Variants in CLCA2 observed in about 807,000 individuals in gnomAD.
The protein encoded by CLCA2 is chloride channel accessory 2, also known as calcium-activated chloride channel regulator 2.
CLCA2 carries 85 observed loss-of-function variants against 82.9 expected under a neutral mutation model. That is an observed-to-expected ratio of 1.03 (90% CI 0.86 to 1.23). The LOEUF (loss-of-function observed/expected upper bound fraction) is 1.23, where lower values mean the gene tolerates loss of function less well. Ranked by LOEUF, CLCA2 falls within the 50% of genes most tolerant of loss-of-function variation. The pLI, the probability that CLCA2 is intolerant of heterozygous loss-of-function variation, is 0.00. For synonymous variants in CLCA2, 421 were observed against 391.7 expected (o/e 1.07, Z -0.88); for missense variants, 1,089 against 1,124.8 (o/e 0.97, Z 0.45).
rs1391727007 is a variant in CLCA2, at chr1:86,444,021, G to A, written c.1713+10G>A. 7 of 1,553,824 alleles carry A rather than the reference G, an allele frequency of 4.5e-6. No individual in the cohort carries two copies. Among genetic ancestry groups the A allele is most frequent in the Non-Finnish European group, 6.2e-6 (7 of 1,125,766 alleles). ...TCCAGGAACAGCTAAGGTAGGTGTT[G>A]TGAGTTTGTTCCTAAGGACAACGTT... On this transcript the variant is annotated intron_variant, in intron 10 of 13. Transcript: ENST00000370565.
intron 10 of CLCA2, among the ~76,000 whole-genome samples, chr1:86,447,294 G>T (rs1230110056): frequency 6.6e-6 from 1 of 152,070 alleles, no homozygotes; most frequent in Non-Finnish European, 1.5e-5. Context: ...GAATTATCTA[G>T]AAATAAAGGT....
intron 10 of CLCA2, 89 bp from the exon 11 acceptor site, chr1:86,447,419 C>A: frequency 1.4e-6 from 2 of 1,410,552 alleles, no homozygotes; most frequent in Non-Finnish European, 9.7e-7. Context: ...AAAACAAGAG[C>A]AAAATTCTCC....
In CLCA2 at chr1:86,441,446, A is replaced by C; in HGVS notation, c.1391A>C (p.Lys464Thr). Residue 464 changes from lysine to threonine, a missense_variant, in exon 9 of 14, where the codon AAG (lysine) becomes ACG (threonine). By Grantham distance (78) the Lys-to-Thr change is moderately conservative. Coordinates refer to ENST00000370565, the MANE Select transcript of CLCA2 (RefSeq NM_006536.7). ...EELSRLTGGL[K>T]FFVPDISNSN... is the part of the protein sequence containing the mutation. ...CTATCATGTATTTCAGGAGGTTTAA[A>C]GTTCTTTGTTCCAGATATATCAAAC... The C allele has an allele frequency of 6.3e-7, 1 of 1,596,738 alleles. No homozygotes were observed. Among genetic ancestry groups the C allele is most frequent in the Non-Finnish European group, 8.6e-7 (1 of 1,166,210 alleles).
At chr1:86,436,447 A>G (rs1464128883) in intron 6 of CLCA2, among the ~76,000 whole-genome samples, 1 of 152,158 alleles carries the variant, frequency 6.6e-6, no homozygotes, top group Non-Finnish European at 1.5e-5. Flanking sequence ...ACCACTGTCT[A>G]CTTCATAGGG....
At chr1:86,430,790 C>G in intron 3 of CLCA2, 72 bp from the exon 4 acceptor site, 1 of 1,075,680 alleles carries the variant, frequency 9.3e-7, no homozygotes, top group Non-Finnish European at 1.4e-6. Context: ...AGAAATGTTA[C>G]GTCTTCACTA....
intron 10 of CLCA2, among the ~76,000 whole-genome samples, chr1:86,445,231 C>G (rs1662824678): frequency 6.6e-6 from 1 of 152,020 alleles, no homozygotes; most frequent in Admixed American, 6.6e-5. Flanking sequence ...GCCTTCTTGA[C>G]TCTGAACTGC....
At chr1:86,436,633 C>T (rs1662614043) in intron 6 of CLCA2, among the ~76,000 whole-genome samples, 1 of 152,168 alleles carries the variant, frequency 6.6e-6, no homozygotes, top group Non-Finnish European at 1.5e-5. Context: ...AAACTAAAAA[C>T]TCCACTAATA....
Position 86,424,441 on chromosome 1 carries a change from G to T in CLCA2, c.186+8G>T. 1 of 1,597,460 alleles carries T rather than the reference G, an allele frequency of 6.3e-7. No individual in the cohort carries two copies. The highest frequency in any genetic ancestry group is 8.5e-7 in the Non-Finnish European group (1 of 1,171,320). On this transcript the variant is annotated splice_region_variant and intron_variant, in intron 1 of 13. Coordinates refer to ENST00000370565, the MANE Select transcript of CLCA2 (RefSeq NM_006536.7). ...CTCATCTCAAACATTAAGGTGAGTG[G>T]AAATTATGAAATTGATACTAGCATC...
At chr1:86,436,131 C>T (rs1662605389) in intron 6 of CLCA2, among the ~76,000 whole-genome samples, 1 of 152,166 alleles carries the variant, frequency 6.6e-6, no homozygotes, top group Non-Finnish European at 1.5e-5. Flanking sequence ...AAAATATTTA[C>T]TATCTGGCCC....
At chr1:86,434,817 T>C in intron 6 of CLCA2, 72 bp downstream of exon 6, 1 of 1,249,372 alleles carries the variant, frequency 8.0e-7, no homozygotes, top group Middle Eastern at 1.9e-4. Context: ...TCTCAATTTA[T>C]TTTAAGTTCT....
Position 86,453,389 on chromosome 1 carries a change from C to T in CLCA2, c.2176C>T (p.Pro726Ser), listed in dbSNP as rs1163492877. ...CTCAGGTAATATTCAGATGAATGCT[C>T]CAAGGAAATCAGTAGGCAGAAATGA... ...TANGNIQMNA[P>S]RKSVGRNEEE... Residue 726 changes from proline (P) to serine (S), a missense_variant, in exon 13 of 14, where the codon CCA becomes TCA. Transcript: ENST00000370565. 1.9e-6 allele frequency: 3 copies of T among 1,613,762 alleles called. No individual in the cohort carries two copies. The African/African-American group carries it at 4.0e-5, about 22-fold the overall frequency.
Position 86,439,122 on chromosome 1 carries a change from C to G in CLCA2, c.1203+16C>G. ...AGGATTTGAGGTACAGTAGAGCATCCTAAGCCTTGGATCACCATCATTTTC... is the reference window on the plus strand; with the variant it reads ...AGGATTTGAGGTACAGTAGAGCATCGTAAGCCTTGGATCACCATCATTTTC... On this transcript the variant is annotated intron_variant, in intron 7 of 13. Transcript: ENST00000370565. The G allele has an allele frequency of 6.2e-7, 1 of 1,606,780 alleles. No individual in the cohort carries two copies. The highest frequency in any genetic ancestry group is 8.5e-7 in the Non-Finnish European group (1 of 1,173,466).
rs1486607136 is a variant in CLCA2, at chr1:86,453,493, C to T, written c.2280C>T (p.His760=). Residue 760 remains histidine, a synonymous_variant, in exon 13 of 14, where the codon CAC becomes CAT. Transcript: ENST00000370565. ...FSVLGVPAGP[H]PDVFPPCKII... ...TGCTGGGAGTTCCAGCTGGCCCCCA[C>T]CCTGATGTGTTTCCACCATGCAAAA... The T allele has an allele frequency of 6.2e-7, 1 of 1,614,108 alleles. No individual in the cohort carries two copies.
intron 6 of CLCA2, among the ~76,000 whole-genome samples, chr1:86,437,908 A>C (rs945826718): frequency 5.3e-5 from 8 of 151,820 alleles, no homozygotes; most frequent in Non-Finnish European, 8.8e-5. Flanking sequence ...AAAAAAAAAA[A>C]GTAATTTTAC....
chr1:86,440,456 A>G (rs990501303), intron 8 of CLCA2, 131 bp downstream of exon 8: 1 of 848,016 alleles, frequency 1.2e-6, no homozygotes, highest in Non-Finnish European at 1.7e-6. Context: ...GCACACACAT[A>G]TTGCTAGAAT....
In CLCA2 at chr1:86,425,380, C is replaced by T. The variant is rs773217484; in HGVS notation, c.228C>T (p.Thr76=). The T allele has an allele frequency of 3.8e-6, 6 of 1,573,696 alleles. No individual in the cohort carries two copies. The highest frequency in any genetic ancestry group is 5.2e-6 in the Non-Finnish European group (6 of 1,159,126). The stretch of plus-strand genomic sequence containing the variant: ...CTTCATTTTACCTATTTAATGCTAC[C>T]AAGAGAAGAGTATTTTTCAGAAATA... ...TEASFYLFNA[T]KRRVFFRNIK... The change falls in exon 2 of 14, where the codon ACC becomes ACT. Residue 76 remains threonine, a synonymous_variant. Coordinates refer to ENST00000370565, the MANE Select transcript of CLCA2 (RefSeq NM_006536.7).
chr1:86,448,932 A>G (rs550771056), intron 11 of CLCA2, among the ~76,000 whole-genome samples: 1 of 152,352 alleles, frequency 6.6e-6, no homozygotes, highest in Admixed American at 6.5e-5. Flanking sequence ...CAGCCTGGAG[A>G]ACAGAGCCTA....
intron 2 of CLCA2, among the ~76,000 whole-genome samples, chr1:86,426,135 G>A (rs1226691886): frequency 6.6e-6 from 1 of 152,034 alleles, no homozygotes; most frequent in East Asian, 1.9e-4. Flanking sequence ...ACATACTAGT[G>A]TGCACACTAT....
chr1:86,447,706 G>A lies in CLCA2; in HGVS notation c.1912G>A (p.Ala638Thr), dbSNP rs1009887270. Residue 638 changes from alanine (A) to threonine (T), a missense_variant, in exon 11 of 14, where the codon GCC (alanine) becomes ACC (threonine). By Grantham distance (58) the Ala-to-Thr change is moderately conservative (BLOSUM62 0). Transcript: ENST00000370565. ...ACAGGGATTTTATCCCATTCTTAAT[G>A]CCACTGTCACTGCCACAGTTGAGCC... is the stretch of plus-strand genomic sequence containing the variant. ...VKQGFYPILN[A>T]TVTATVEPET... The A allele has an allele frequency of 6.2e-7, 1 of 1,613,902 alleles. No individual in the cohort carries two copies. The highest frequency in any genetic ancestry group is 8.5e-7 in the Non-Finnish European group (1 of 1,179,994).
Sources: allele counts gnomAD v4.1 joint callset (sites outside exome capture counted in the v4.1 genomes callset), GRCh38; gene constraint gnomAD v4.1.1; transcripts MANE v1.5; gene names NCBI Gene and HGNC (gene_info 2026-07-23, HGNC 2026-07-21).